The following LRRC37A2 variants were observed in gnomAD, a reference collection of about 807,000 sequenced individuals.
The protein encoded by LRRC37A2 is leucine rich repeat containing 37 member A2, also known as leucine-rich repeat-containing protein 37A2.
LRRC37A2 carries 9 observed loss-of-function variants against 68.8 expected under a neutral mutation model. The ratio of observed to expected loss-of-function variants is 0.13; its 90% CI spans 0.08 to 0.23. LRRC37A2 has a LOEUF of 0.23. Among genes scored for constraint, LRRC37A2 ranks in the 10% least tolerant of loss-of-function variants. LRRC37A2 has a pLI of 1.00. For missense variants in LRRC37A2, 168 were observed against 950.4 expected (o/e 0.18, Z 10.82); for synonymous variants, 63 against 367.6 (o/e 0.17, Z 9.48).
chr17:46,974,987 CTTTTTTTTTTTT>C, the LRRC37A2 span, among the ~76,000 whole-genome samples: 10 of 119,050 alleles, frequency 8.4e-5, no homozygotes, highest in Admixed American at 1.8e-4. Context: ...TTACTATTTT[CTTTTTTTTTTTT>C]TTTTTTTTTT....
chr17:46,871,353 C>T, the LRRC37A2 span, among the ~76,000 whole-genome samples: 3 of 152,312 alleles, frequency 2.0e-5, no homozygotes, highest in South Asian at 6.2e-4. Flanking sequence ...CCAGCAGAGC[C>T]ATCTCACAGA....
chr17:47,002,119 T>G, the LRRC37A2 span, among the ~76,000 whole-genome samples: 2 of 152,188 alleles, frequency 1.3e-5, no homozygotes, highest in South Asian at 4.1e-4. Context: ...GTGTATTTTT[T>G]TGGTCAGGTT....
the LRRC37A2 span, among the ~76,000 whole-genome samples, chr17:46,765,199 T>C: frequency 6.6e-6 from 1 of 152,208 alleles, no homozygotes; most frequent in Non-Finnish European, 1.5e-5. Context: ...AAGGCCAAGA[T>C]AAGACTACTT....
At chr17:46,755,336 G>T in the LRRC37A2 span, 2 of 1,613,798 alleles carry the variant, frequency 1.2e-6, no homozygotes, top group Admixed American at 3.3e-5. Flanking sequence ...TACCGTGTGA[G>T]AAAATTCTTG....
chr17:47,026,941 C>T, the LRRC37A2 span, among the ~76,000 whole-genome samples: 2 of 151,574 alleles, frequency 1.3e-5, no homozygotes, highest in African/African-American at 2.4e-5. Flanking sequence ...GATGGAGTCT[C>T]GCTCTGTCGC....
chr17:46,738,020 A>C, the LRRC37A2 span, among the ~76,000 whole-genome samples: 6 of 151,690 alleles, frequency 4.0e-5, no homozygotes, highest in Non-Finnish European at 7.4e-5. Context: ...TGCAGCCTTT[A>C]CCTCCTGGGC....
chr17:46,806,699 C>T, the LRRC37A2 span, among the ~76,000 whole-genome samples: 4 of 152,248 alleles, frequency 2.6e-5, no homozygotes, highest in South Asian at 2.1e-4. Context: ...TTCTCTCCTC[C>T]GAAGTCAGGG....
the LRRC37A2 span, among the ~76,000 whole-genome samples, chr17:46,873,988 CA>C: frequency 0.044 from 3,060 of 69,708 alleles, 76 homozygotes; most frequent in African/African-American, 0.11. Flanking sequence ...GACTCTGTCT[CA>C]AAAAAAAAAA....
At chr17:46,925,248 T>G in the LRRC37A2 span, among the ~76,000 whole-genome samples, 1 of 152,380 alleles carries the variant, frequency 6.6e-6, no homozygotes, top group East Asian at 1.9e-4. Context: ...CTAATTGATG[T>G]ACCTGTGTTC....
At chr17:47,021,242 T>C in the LRRC37A2 span, among the ~76,000 whole-genome samples, 7 of 150,954 alleles carry the variant, frequency 4.6e-5, no homozygotes, top group East Asian at 9.7e-4. Context: ...TGTGCAAGTG[T>C]AGACATGCAG....
the LRRC37A2 span, among the ~76,000 whole-genome samples, chr17:46,806,400 G>T: frequency 6.6e-6 from 1 of 151,796 alleles, no homozygotes; most frequent in Non-Finnish European, 1.5e-5. Flanking sequence ...GTAGAGTTGG[G>T]GTTTATCCAT....
Position 46,555,336 on chromosome 17 carries a change from C to T in LRRC37A2, c.4966C>T (p.Pro1656Ser), listed in dbSNP as rs773412579. 6.6e-7 allele frequency: 1 copy of T among 1,518,206 alleles called. No individual in the cohort carries two copies. Among genetic ancestry groups the T allele is most frequent in the East Asian group, 2.5e-5 (1 of 39,812 alleles). 94.0% of individuals were successfully genotyped at this position (1,518,206 alleles called of 1,614,324 possible). A position where few individuals can be genotyped will look rare whatever the true frequency, so the allele number is the denominator to read the frequency against. Residue 1656 changes from proline to serine, a missense_variant, in exon 14 of 15, where the codon CCT (proline) becomes TCT (serine). Pro to Ser is a moderately conservative substitution (Grantham distance 74). Transcript: ENST00000576629. ...GCTCTGGTTTAAAGATATGTACAAACCTCTCAGTGCCACAAGAATAAATAA... is the reference window on the plus strand; with the variant it reads ...GCTCTGGTTTAAAGATATGTACAAATCTCTCAGTGCCACAAGAATAAATAA...
the LRRC37A2 span, among the ~76,000 whole-genome samples, chr17:46,824,534 C>T: frequency 1.3e-5 from 2 of 152,268 alleles, no homozygotes; most frequent in African/African-American, 4.8e-5. Flanking sequence ...CAGGCGTAAG[C>T]CCCCATGCCC....
At chr17:46,708,491 CTTTTT>C in the LRRC37A2 span, among the ~76,000 whole-genome samples, 1 of 124,856 alleles carries the variant, frequency 8.0e-6, no homozygotes, top group South Asian at 2.5e-4. Flanking sequence ...GTTACATATC[CTTTTT>C]TTTTTTTTTT....
At chr17:46,784,284 AAGCAAAGC>A in the LRRC37A2 span, among the ~76,000 whole-genome samples, 4 of 152,116 alleles carry the variant, frequency 2.6e-5, no homozygotes, top group Non-Finnish European at 4.4e-5. Context: ...GGAAGGTAAG[AAGCAAAGC>A]AGCTTTGGGA....
the LRRC37A2 span, among the ~76,000 whole-genome samples, chr17:46,658,076 G>T: frequency 6.6e-5 from 1 of 15,044 alleles, no homozygotes; most frequent in Non-Finnish European, 9.3e-5. Context: ...GTTTTGCTCT[G>T]TTACCCAGGC....
chr17:46,708,168 CT>C, the LRRC37A2 span, among the ~76,000 whole-genome samples: 1 of 152,064 alleles, frequency 6.6e-6, no homozygotes, highest in Non-Finnish European at 1.5e-5. Context: ...GTACAGATAT[CT>C]CTTCAAGACC....
chr17:46,550,723 T>C (rs1210237716), intron 11 of LRRC37A2, among the ~76,000 whole-genome samples: 26 of 135,688 alleles, frequency 1.9e-4, no homozygotes, highest in Admixed American at 7.5e-5. Context: ...CTTTCAGATC[T>C]CTGTGAATTG....
At chr17:46,783,732 G>A in the LRRC37A2 span, among the ~76,000 whole-genome samples, 1 of 152,216 alleles carries the variant, frequency 6.6e-6, no homozygotes, top group Admixed American at 6.5e-5. Flanking sequence ...GGAGAAGGAT[G>A]GCTAGGGGCC....
Sources: gnomAD v4.1 joint callset for allele counts (sites outside exome capture counted in the v4.1 genomes callset) on GRCh38, gnomAD v4.1.1 for gene constraint, MANE v1.5 for transcripts, NCBI Gene and HGNC (gene_info 2026-07-23, HGNC 2026-07-21) for gene names.